ATP8A2: variants seen among roughly 807,000 people sequenced by gnomAD.
ATP8A2 encodes phospholipid-transporting ATPase IB.
Under a neutral mutation model 165.6 loss-of-function variants are expected in ATP8A2, and 100 were observed. The observed-to-expected ratio is 0.60, with a 90% confidence interval of 0.51 to 0.71. The LOEUF is 0.71. ATP8A2 is among the 30% of genes least tolerant of loss of function. The pLI, the probability that ATP8A2 is intolerant of heterozygous loss-of-function variation, is 0.00. For missense variants in ATP8A2, 1,227 were observed against 1,479.5 expected (o/e 0.83, Z 2.80); for synonymous variants, 543 against 548.8 (o/e 0.99, Z 0.15).
At chr13:25,401,238 G>A (rs1298300354) in intron 1 of ATP8A2, among the ~76,000 whole-genome samples, 1 of 152,068 alleles carries the variant, frequency 6.6e-6, no homozygotes, top group African/African-American at 2.4e-5. Flanking sequence ...AGTGAAAGAG[G>A]ATGCAAAAGC....
chr13:25,467,010 C>A (rs2035686974), intron 1 of ATP8A2, among the ~76,000 whole-genome samples: 1 of 152,238 alleles, frequency 6.6e-6, no homozygotes. Flanking sequence ...AACACCTGGC[C>A]TTCCCTGATT....
chr13:25,728,497 G>T (rs1051482275), intron 25 of ATP8A2, among the ~76,000 whole-genome samples: 2 of 152,194 alleles, frequency 1.3e-5, no homozygotes, highest in Non-Finnish European at 2.9e-5. Context: ...AGTTGATGCC[G>T]TGAATAAAGG....
intron 35 of ATP8A2, among the ~76,000 whole-genome samples, chr13:25,984,860 G>C (rs1032893372): frequency 1.3e-5 from 2 of 152,170 alleles, no homozygotes; most frequent in African/African-American, 4.8e-5. Context: ...TGTGTCACCA[G>C]GATTCCTCTC....
At chr13:25,635,958 G>C (rs1011422770) in intron 24 of ATP8A2, among the ~76,000 whole-genome samples, 1 of 152,112 alleles carries the variant, frequency 6.6e-6, no homozygotes, top group Non-Finnish European at 1.5e-5. Context: ...CCTGTTCTGC[G>C]GGGATTCACT....
At chr13:25,585,820 G>A (rs889913035) in intron 23 of ATP8A2, among the ~76,000 whole-genome samples, 1 of 152,140 alleles carries the variant, frequency 6.6e-6, no homozygotes, top group South Asian at 2.1e-4. Flanking sequence ...TCTTACTGCT[G>A]TTTTTCACAG....
At chr13:25,959,478 T>G (rs187162446) in intron 33 of ATP8A2, among the ~76,000 whole-genome samples, 169 of 152,304 alleles carry the variant, frequency 1.1e-3, no homozygotes, top group African/African-American at 3.8e-3. Flanking sequence ...AAAACGAGAC[T>G]ACAAAAATGA....
chr13:25,453,328 G>A (rs1267377204), intron 1 of ATP8A2, among the ~76,000 whole-genome samples: 6 of 151,832 alleles, frequency 4.0e-5, no homozygotes, highest in Middle Eastern at 3.4e-3. Context: ...GTTTCCTTAC[G>A]TTGGCCAGAC....
At position 25,377,437 on chromosome 13, in the gene ATP8A2, T is replaced by C. The variant is rs574922153; in HGVS notation, c.76+5149T>C. ...GGACAGGAGAGAGCCCTTCCAGGAA[T>C]AGAGTAAGGAGTGGGGACCTGTCAC... On this transcript the variant is annotated intron_variant, in intron 1 of 36. Coordinates refer to ENST00000381655, the MANE Select transcript of ATP8A2 (RefSeq NM_016529.6). Among the ~76,000 whole-genome samples the C allele has an allele frequency of 3.3e-5, 5 of 152,178 alleles. No homozygotes were observed. The South Asian group carries it at 8.3e-4, about 25-fold the overall frequency.
intron 1 of ATP8A2, among the ~76,000 whole-genome samples, chr13:25,398,514 A>G (rs927455987): frequency 4.6e-5 from 7 of 152,154 alleles, no homozygotes; most frequent in Non-Finnish European, 2.9e-5. Context: ...CAGCTTTCAT[A>G]TGTACAATTA....
At chr13:25,859,036 C>G (rs1952256526) in intron 30 of ATP8A2, among the ~76,000 whole-genome samples, 1 of 151,954 alleles carries the variant, frequency 6.6e-6, no homozygotes, top group African/African-American at 2.4e-5. Flanking sequence ...AACCCTGTCT[C>G]TACTAAAAAT....
At chr13:25,906,886 A>G (rs1377047841) in intron 33 of ATP8A2, among the ~76,000 whole-genome samples, 1 of 152,182 alleles carries the variant, frequency 6.6e-6, no homozygotes, top group Non-Finnish European at 1.5e-5. Flanking sequence ...TGAACAGTCA[A>G]ACAGATAGAA....
chr13:25,994,459 T>A (rs1956455485), intron 35 of ATP8A2, among the ~76,000 whole-genome samples: 1 of 152,130 alleles, frequency 6.6e-6, no homozygotes, highest in South Asian at 2.1e-4. Context: ...TTCCCAATAT[T>A]TGGGAGAAAT....
At chr13:25,853,974 A>G (rs1952083367) in intron 30 of ATP8A2, among the ~76,000 whole-genome samples, 1 of 152,194 alleles carries the variant, frequency 6.6e-6, no homozygotes, top group African/African-American at 2.4e-5. Context: ...TTGAGACTCA[A>G]AACCTAAACT....
intron 25 of ATP8A2, among the ~76,000 whole-genome samples, chr13:25,754,383 C>G (rs988738516): frequency 2.0e-5 from 3 of 151,742 alleles, no homozygotes; most frequent in African/African-American, 7.2e-5. Flanking sequence ...AAAACTTCAC[C>G]TTTTAAACAT....
intron 33 of ATP8A2, among the ~76,000 whole-genome samples, chr13:25,876,937 A>G (rs1222648116): frequency 2.6e-5 from 4 of 152,202 alleles, no homozygotes; most frequent in Admixed American, 1.3e-4. Flanking sequence ...AAAATAGCTC[A>G]TTATTGCTGA....
chr13:25,877,672 C>T (rs1952853817), intron 33 of ATP8A2, among the ~76,000 whole-genome samples: 1 of 152,202 alleles, frequency 6.6e-6, no homozygotes, highest in African/African-American at 2.4e-5. Flanking sequence ...CCTTTCTAAA[C>T]TTTCATACTA....
intron 1 of ATP8A2, among the ~76,000 whole-genome samples, chr13:25,443,622 G>C (rs1013614427): frequency 4.6e-5 from 7 of 152,190 alleles, no homozygotes; most frequent in Admixed American, 2.0e-4. Flanking sequence ...ATTTACATGG[G>C]CAATGCTGAG....
intron 30 of ATP8A2, among the ~76,000 whole-genome samples, chr13:25,841,380 C>A (rs1359986342): frequency 6.6e-6 from 1 of 152,136 alleles, no homozygotes; most frequent in Admixed American, 6.6e-5. Flanking sequence ...TCATCAATGT[C>A]ATTATTTCAT....
At chr13:25,865,216 G>T (rs752988252) in intron 33 of ATP8A2, among the ~76,000 whole-genome samples, 5 of 152,140 alleles carry the variant, frequency 3.3e-5, no homozygotes, top group Non-Finnish European at 7.4e-5. Flanking sequence ...ATTCCTGGGG[G>T]TCTAGGTTGG....
Sources: allele counts gnomAD v4.1 joint callset (sites outside exome capture counted in the v4.1 genomes callset), GRCh38; gene constraint gnomAD v4.1.1; transcripts MANE v1.5; gene names NCBI Gene and HGNC (gene_info 2026-07-23, HGNC 2026-07-21).